PTPRR: variants seen among roughly 807,000 people sequenced by gnomAD.
PTPRR encodes protein tyrosine phosphatase receptor type R.
Under a neutral mutation model 77.2 loss-of-function variants are expected in PTPRR, and 38 were observed. The ratio of observed to expected loss-of-function variants is 0.49; its 90% CI spans 0.38 to 0.65. The LOEUF is 0.65. Among genes scored for constraint, PTPRR ranks in the 30% least tolerant of loss-of-function variants. The pLI, the probability that PTPRR is intolerant of heterozygous loss-of-function variation, is 0.00. For synonymous variants in PTPRR, 299 were observed against 283.1 expected, an observed-to-expected ratio of 1.06 and a Z score of -0.57; for missense variants, 744 against 799.2, an observed-to-expected ratio of 0.93 and a Z score of 0.83.
At chr12:70,704,572 G>A (rs1400273547) in intron 6 of PTPRR, among the ~76,000 whole-genome samples, 1 of 152,038 alleles carries the variant, frequency 6.6e-6, no homozygotes, top group Admixed American at 6.6e-5. Flanking sequence ...TTGACATCCC[G>A]TGTCTAAGGT....
chr12:70,830,295 A>G (rs1013363913), intron 2 of PTPRR, among the ~76,000 whole-genome samples: 1 of 152,192 alleles, frequency 6.6e-6, no homozygotes, highest in South Asian at 2.1e-4. Flanking sequence ...CAATAAAAGG[A>G]TATTTCTCAC....
chr12:70,712,874 C>G (rs1592696723), intron 6 of PTPRR, among the ~76,000 whole-genome samples: 2 of 149,536 alleles, frequency 1.3e-5, no homozygotes, highest in African/African-American at 4.9e-5. Context: ...ACTCCCTCCT[C>G]TTTTTTATTG....
intron 6 of PTPRR, among the ~76,000 whole-genome samples, chr12:70,719,155 C>G (rs1404089605): frequency 1.3e-5 from 2 of 152,136 alleles, no homozygotes; most frequent in African/African-American, 4.8e-5. Flanking sequence ...CAAGAACTCT[C>G]GGGCTAAGCT....
At chr12:70,697,857 C>A (rs573085384) in intron 8 of PTPRR, among the ~76,000 whole-genome samples, 5 of 152,102 alleles carry the variant, frequency 3.3e-5, no homozygotes, top group African/African-American at 1.2e-4. Flanking sequence ...TGTGGCACAA[C>A]AAAATTTTAG....
At chr12:70,771,514 C>T (rs1253597593) in intron 2 of PTPRR, among the ~76,000 whole-genome samples, 1 of 152,030 alleles carries the variant, frequency 6.6e-6, no homozygotes, top group African/African-American at 2.4e-5. Flanking sequence ...TCCCATGTCG[C>T]AAACCTGCAC....
chr12:70,792,747 T>G (rs1176503104), intron 2 of PTPRR, among the ~76,000 whole-genome samples: 1 of 152,114 alleles, frequency 6.6e-6, no homozygotes, highest in Non-Finnish European at 1.5e-5. Flanking sequence ...AAAAGATGCA[T>G]CAATTTAAAT....
intron 8 of PTPRR, 30 bp downstream of exon 8, chr12:70,698,234 AC>A: frequency 6.3e-7 from 1 of 1,588,946 alleles, no homozygotes; most frequent in Non-Finnish European, 8.6e-7. Context: ...TGCCCCCCAT[AC>A]AATGCAAATT....
At chr12:70,829,985 A>C (rs980588775) in intron 2 of PTPRR, among the ~76,000 whole-genome samples, 2 of 152,174 alleles carry the variant, frequency 1.3e-5, no homozygotes, top group African/African-American at 4.8e-5. Context: ...GATTTGCTGA[A>C]TATAATGAAG....
intron 1 of PTPRR, among the ~76,000 whole-genome samples, chr12:70,914,213 T>A (rs1893741648): frequency 6.6e-6 from 1 of 152,202 alleles, no homozygotes; most frequent in Non-Finnish European, 1.5e-5. Flanking sequence ...GGAAATTTTG[T>A]CTTAGTGTGA....
At chr12:70,905,161 A>G (rs185257856) in intron 1 of PTPRR, among the ~76,000 whole-genome samples, 30 of 151,888 alleles carry the variant, frequency 2.0e-4, no homozygotes, top group Middle Eastern at 3.4e-3. Flanking sequence ...CATTATAGGT[A>G]GAGGGGAGGG....
chr12:70,652,245 A>T (rs1886421919), intron 13 of PTPRR, among the ~76,000 whole-genome samples: 1 of 152,194 alleles, frequency 6.6e-6, no homozygotes, highest in South Asian at 2.1e-4. Flanking sequence ...ACACATTGGA[A>T]TTTTTAAAAT....
intron 2 of PTPRR, among the ~76,000 whole-genome samples, chr12:70,842,238 C>A (rs138254834): frequency 6.6e-6 from 1 of 152,194 alleles, no homozygotes; most frequent in Non-Finnish European, 1.5e-5. Flanking sequence ...ATAATCAGAT[C>A]TGTAGAATTA....
At chr12:70,878,601 G>A (rs1220040324) in intron 2 of PTPRR, among the ~76,000 whole-genome samples, 5 of 152,110 alleles carry the variant, frequency 3.3e-5, no homozygotes, top group South Asian at 2.1e-4. Context: ...TCACGAAACA[G>A]CAGGTGCTGG....
chr12:70,830,227 TA>T (rs573390337), intron 2 of PTPRR, among the ~76,000 whole-genome samples: 35 of 152,240 alleles, frequency 2.3e-4, no homozygotes, highest in Admixed American at 1.1e-3. Flanking sequence ...ATGTGTGAGT[TA>T]AAATAAAATA....
At chr12:70,810,929 G>A (rs367629802) in intron 2 of PTPRR, among the ~76,000 whole-genome samples, 8 of 152,200 alleles carry the variant, frequency 5.3e-5, no homozygotes, top group African/African-American at 1.9e-4. Context: ...GCATTAACTA[G>A]GATTTGATTT....
intron 1 of PTPRR, 25 bp downstream of exon 1, chr12:70,920,308 G>A (rs1893836855): frequency 6.2e-7 from 1 of 1,608,722 alleles, no homozygotes. Flanking sequence ...GCACAGCTCC[G>A]GCTCTAAGCC....
intron 2 of PTPRR, among the ~76,000 whole-genome samples, chr12:70,782,746 T>A: frequency 6.6e-6 from 1 of 151,872 alleles, no homozygotes; most frequent in African/African-American, 2.4e-5. Context: ...AAATGACGAG[T>A]TAATAGGTGC....
intron 6 of PTPRR, among the ~76,000 whole-genome samples, chr12:70,703,050 A>AAAAAAAGGAAGG (rs1476166689): frequency 7.0e-6 from 1 of 143,780 alleles, no homozygotes; most frequent in African/African-American, 2.6e-5. Context: ...TTTTTTTTCT[A>AAAAAAAGGAAGG]CTGGATTTGT....
At chr12:70,874,113 C>A (rs4760767) in intron 2 of PTPRR, among the ~76,000 whole-genome samples, 70,867 of 151,844 alleles carry the variant, frequency 0.47, 17,198 homozygotes, top group East Asian at 0.59. Flanking sequence ...TGGAAGGCAA[C>A]TTTTCTTTAA....
Sources: gnomAD v4.1 joint callset for allele counts (sites outside exome capture counted in the v4.1 genomes callset) on GRCh38, gnomAD v4.1.1 for gene constraint, MANE v1.5 for transcripts, NCBI Gene and HGNC (gene_info 2026-07-23, HGNC 2026-07-21) for gene names.